The following KBTBD2 variants were observed in gnomAD, a reference collection of about 807,000 sequenced individuals.
KBTBD2 encodes the protein kelch repeat and BTB domain-containing protein 2.
Under a neutral mutation model 57.1 loss-of-function variants are expected in KBTBD2, and 17 were observed. The observed-to-expected ratio is 0.30, with a 90% CI of 0.20 to 0.45. The LOEUF (loss-of-function observed/expected upper bound fraction) is 0.45. Ranked by LOEUF, KBTBD2 falls within the 20% of genes least tolerant of loss-of-function variation. KBTBD2 has a pLI of 1.00. For synonymous variants in KBTBD2, 267 were observed against 262.7 expected (o/e 1.02, Z -0.16); for missense variants, 515 against 750.6 (o/e 0.69, Z 3.67).
At chr7:32,890,573 T>C (rs574228687) in intron 1 of KBTBD2, among the ~76,000 whole-genome samples, 117 of 152,314 alleles carry the variant, frequency 7.7e-4, no homozygotes, top group African/African-American at 2.8e-3. Flanking sequence ...TGCACAGCGT[T>C]GATAGGGTTT....
chr7:32,875,263 C>T, intron 2 of KBTBD2, 106 bp from the exon 3 acceptor site: 1 of 1,045,734 alleles, frequency 9.6e-7, no homozygotes, highest in Non-Finnish European at 1.4e-6. Context: ...AGGGTATTTA[C>T]TTATAAGAGA....
chr7:32,879,444 G>A lies in KBTBD2; in HGVS notation c.161C>T (p.Ser54Phe). ...CATTAAAAGTACTTACCTGAAATAA[G>A]AGCTACATGTTGCAAGAACCATCTT... ...CHKMVLATCS[S>F]YFRAMFMSGL... The change falls in exon 2 of 4, where the codon TCT (serine) becomes TTT (phenylalanine). Residue 54 changes from serine to phenylalanine, a missense_variant. Coordinates refer to ENST00000304056, the MANE Select transcript of KBTBD2 (RefSeq NM_015483.3). 1 of 1,605,822 alleles carries A rather than the reference G, an allele frequency of 6.2e-7. No individual in the cohort carries two copies. The highest frequency in any genetic ancestry group is 2.2e-5 in the East Asian group (1 of 44,728).
chr7:32,874,937 C>T, intron 3 of KBTBD2, 55 bp downstream of exon 3: 1 of 1,525,380 alleles, frequency 6.6e-7, no homozygotes, highest in Non-Finnish European at 9.0e-7. Context: ...TGCCACTGCA[C>T]TCCAGCCTGG....
In KBTBD2 at chr7:32,869,900, C is replaced by T. The variant is rs1268727044; in HGVS notation, c.1317G>A (p.Met439Ile). Residue 439 changes from methionine to isoleucine, a missense_variant, in exon 4 of 4, where the codon ATG (methionine) becomes ATA (isoleucine). Physicochemically the swap from Met to Ile is conservative, Grantham distance 10. Coordinates refer to ENST00000304056, the MANE Select transcript of KBTBD2 (RefSeq NM_015483.3). ...AGTCAGACCTTGGAAAATAACAGTACATGAGGTTCAGTGTCATCACATAAA... is the reference window on the plus strand; with the variant it reads ...AGTCAGACCTTGGAAAATAACAGTATATGAGGTTCAGTGTCATCACATAAA... ...DCIYVMTLNL[M>I]YCYFPRSDSW... is the part of the protein sequence containing the mutation. The T allele has an allele frequency of 1.9e-6, 3 of 1,613,882 alleles. No homozygotes were observed. The South Asian group carries it at 3.3e-5, about 18-fold the overall frequency.
Position 32,869,779 on chromosome 7 carries a change from C to T in KBTBD2, c.1438G>A (p.Ala480Thr), listed in dbSNP as rs1562530119. 1.9e-6 allele frequency: 3 copies of T among 1,613,982 alleles called. No homozygotes were observed. Among genetic ancestry groups the T allele is most frequent in the Non-Finnish European group, 2.5e-6 (3 of 1,180,004 alleles). Residue 480 changes from alanine to threonine, a missense_variant, in exon 4 of 4, where the codon GCT becomes ACT. Ala to Thr is a moderately conservative substitution (Grantham distance 58, BLOSUM62 0). Coordinates refer to ENST00000304056, the MANE Select transcript of KBTBD2 (RefSeq NM_015483.3). Reference protein sequence around the residue: ...KIFYIGGLHIATNSGIRLPSG... With the variant: ...KIFYIGGLHITTNSGIRLPSG... The stretch of plus-strand genomic sequence containing the variant: ...GGGAGTCTTATGCCGGAATTGGTAG[C>T]AATATGCAACCCTCCAATATAGAAA...
At position 32,869,374 on chromosome 7, in the gene KBTBD2, C is replaced by T; in HGVS notation, c.1843G>A (p.Gly615Arg). ...ACAGGTGGTAGTGCAACCATTTCTC[C>T]ATCCAGTTCAAACTCTTCTGTCCCA... is the stretch of plus-strand genomic sequence containing the variant. ...TDGTEEFELD[G>R]EMVALPPV Residue 615 changes from glycine (G) to arginine (R), a missense_variant, in exon 4 of 4, where the codon GGA becomes AGA. Transcript: ENST00000304056. The T allele has an allele frequency of 6.2e-7, 1 of 1,612,722 alleles. No individual in the cohort carries two copies.
Position 32,870,808 on chromosome 7 carries a change from A to G in KBTBD2, c.409T>C (p.Leu137=). The G allele has an allele frequency of 1.2e-6, 2 of 1,610,858 alleles. No homozygotes were observed. Among genetic ancestry groups the G allele is most frequent in the Non-Finnish European group, 1.7e-6 (2 of 1,179,264 alleles). ...KINAENCVRL[L]SFADLFSCEE... Reference sequence around the variant, plus strand: ...CAACTGAAGAGATCAGCAAAACTCAACAATCGTACACAATTCTCTGCATTT... The same window carrying G: ...CAACTGAAGAGATCAGCAAAACTCAGCAATCGTACACAATTCTCTGCATTT... The change falls in exon 4 of 4, where the codon TTG becomes CTG. Residue 137 remains leucine (L), a synonymous_variant. Transcript: ENST00000304056.
At chr7:32,874,090 G>A (rs1784249063) in intron 3 of KBTBD2, among the ~76,000 whole-genome samples, 1 of 151,830 alleles carries the variant, frequency 6.6e-6, no homozygotes, top group Non-Finnish European at 1.5e-5. Context: ...CAGTGAGATC[G>A]TGTCTCTACA....
intron 2 of KBTBD2, among the ~76,000 whole-genome samples, chr7:32,875,570 C>A (rs1405490727): frequency 6.6e-6 from 1 of 152,130 alleles, no homozygotes; most frequent in Non-Finnish European, 1.5e-5. Flanking sequence ...CTGTGCCTAG[C>A]CAATGAAATT....
In KBTBD2 at chr7:32,877,539, G is replaced by C. The variant is rs149567704; in HGVS notation, c.170+1896C>G. Among the ~76,000 whole-genome samples, 100 of 152,264 alleles carry C rather than the reference G, an allele frequency of 6.6e-4. 1 individual carries two copies. The highest frequency in any genetic ancestry group is 2.4e-3 in the African/African-American group (99 of 41,550). ...AAGGAAGAATGTATTTAGTTCAGAA[G>C]GCAAAATCTCTACAGTAGATGTATA... On this transcript the variant is annotated intron_variant, in intron 2 of 3. Coordinates refer to ENST00000304056, the MANE Select transcript of KBTBD2 (RefSeq NM_015483.3).
Position 32,879,440 on chromosome 7 carries a change from A to G in KBTBD2, c.165T>C (p.Tyr55=). The part of the protein sequence containing the change: ...HKMVLATCSS[Y]FRAMFMSGLS... ...AAAACATTAAAAGTACTTACCTGAAATAAGAGCTACATGTTGCAAGAACCA... is the reference window on the plus strand; with the variant it reads ...AAAACATTAAAAGTACTTACCTGAAGTAAGAGCTACATGTTGCAAGAACCA... The change falls in exon 2 of 4, where the codon TAT becomes TAC. Residue 55 remains tyrosine (Y), a synonymous_variant. Transcript: ENST00000304056. 1.3e-6 allele frequency: 2 copies of G among 1,597,444 alleles called. No individual in the cohort carries two copies. Among genetic ancestry groups the G allele is most frequent in the Non-Finnish European group, 1.7e-6 (2 of 1,169,324 alleles).
At chr7:32,879,985 G>C (rs908649447) in intron 1 of KBTBD2, 43 bp from the exon 2 acceptor site, 1 of 161,450 alleles carries the variant, frequency 6.2e-6, no homozygotes, top group African/African-American at 2.4e-5. Context: ...AGGCCAGTAC[G>C]GTTTTAGAAT....
At chr7:32,878,784 T>G (rs1453636432) in intron 2 of KBTBD2, among the ~76,000 whole-genome samples, 1 of 152,328 alleles carries the variant, frequency 6.6e-6, no homozygotes, top group African/African-American at 2.4e-5. Flanking sequence ...TTGGCTTCTA[T>G]TCTGCTCAGG....
At chr7:32,872,343 T>C (rs1429722132) in intron 3 of KBTBD2, among the ~76,000 whole-genome samples, 1 of 151,914 alleles carries the variant, frequency 6.6e-6, no homozygotes. Flanking sequence ...TTCCCCAGAG[T>C]TGTGGGTAGA....
Position 32,870,732 on chromosome 7 carries a change from G to A in KBTBD2, c.485C>T (p.Ala162Val). The A allele has an allele frequency of 1.9e-6, 3 of 1,614,188 alleles. No individual in the cohort carries two copies. The highest frequency in any genetic ancestry group is 1.7e-5 in the Admixed American group (1 of 60,018). Residue 162 changes from alanine to valine, a missense_variant, in exon 4 of 4, where the codon GCT becomes GTT. Transcript: ENST00000304056. Reference sequence around the variant, plus strand: ...CATGAACGCGTCCTGATGATACACAGCAGTGAACTTGTGCTCCACCATTCT... The same window carrying A: ...CATGAACGCGTCCTGATGATACACAACAGTGAACTTGTGCTCCACCATTCT... ...AKRMVEHKFT[A>V]VYHQDAFMQL...
intron 1 of KBTBD2, among the ~76,000 whole-genome samples, chr7:32,883,316 G>A (rs1368422743): frequency 2.0e-5 from 3 of 152,204 alleles, no homozygotes; most frequent in Non-Finnish European, 4.4e-5. Context: ...GAACCCAGGA[G>A]GAGGAGGTTG....
chr7:32,870,030 C>G lies in KBTBD2; in HGVS notation c.1187G>C (p.Arg396Pro), dbSNP rs1784134960. Reference protein sequence around the residue: ...GGDSVGGELNRRTVERYDTEK... With the variant: ...GGDSVGGELNPRTVERYDTEK... ...AGTGTCGTATCTTTCTACGGTCCTC[C>G]GATTAAGTTCTCCACCTACGCTATC... Residue 396 changes from arginine to proline, a missense_variant, in exon 4 of 4, where the codon CGG becomes CCG. Physicochemically the swap from Arg to Pro is moderately radical, Grantham distance 103. Transcript: ENST00000304056. 6.2e-7 allele frequency: 1 copy of G among 1,613,978 alleles called. No homozygotes were observed. The highest frequency in any genetic ancestry group is 1.3e-5 in the African/African-American group (1 of 74,894).
intron 1 of KBTBD2, among the ~76,000 whole-genome samples, 182 bp from the exon 2 acceptor site, chr7:32,880,124 A>G (rs1234362832): frequency 1.3e-5 from 2 of 152,182 alleles, no homozygotes; most frequent in African/African-American, 2.4e-5. Flanking sequence ...AAAAAACAAG[A>G]AAATTACCAG....
chr7:32,870,926 G>C (rs1784162500), intron 3 of KBTBD2, 46 bp from the exon 4 acceptor site: 1 of 1,191,860 alleles, frequency 8.4e-7, no homozygotes, highest in Non-Finnish European at 1.1e-6. Context: ...GGCCAGGACA[G>C]ACACATTTTA....
Sources: allele counts gnomAD v4.1 joint callset (sites outside exome capture counted in the v4.1 genomes callset), GRCh38; gene constraint gnomAD v4.1.1; transcripts MANE v1.5; gene names NCBI Gene and HGNC (gene_info 2026-07-23, HGNC 2026-07-21).